Variants in SEH1L observed in about 807,000 individuals in gnomAD.
The protein encoded by SEH1L is nucleoporin SEH1.
Under a neutral mutation model 49.5 loss-of-function variants are expected in SEH1L, and 18 were observed. The observed-to-expected ratio is 0.36, with a 90% CI of 0.25 to 0.54. SEH1L has a LOEUF of 0.54. Among genes scored for constraint, SEH1L ranks in the 20% least tolerant of loss-of-function variants. SEH1L has a pLI of 0.87. For synonymous variants in SEH1L, 169 were observed against 178.1 expected (o/e 0.95, Z 0.41); for missense variants, 404 against 528.8 (o/e 0.76, Z 2.31).
chr18:12,951,634 G>A (rs545282192), intron 1 of SEH1L, among the ~76,000 whole-genome samples: 4 of 152,228 alleles, frequency 2.6e-5, no homozygotes, highest in East Asian at 3.9e-4. Context: ...CAGGTGATCC[G>A]TTTGCCTTGG....
rs1598973660 is a variant in SEH1L, at chr18:12,978,760, C to T, written c.629C>T (p.Ala210Val). Residue 210 changes from alanine to valine, a missense_variant, in exon 6 of 9, where the codon GCA becomes GTA. Physicochemically the swap from Ala to Val is moderately conservative, Grantham distance 64. Coordinates refer to ENST00000399892, the MANE Select transcript of SEH1L (RefSeq NM_001013437.2). Reference sequence around the variant, plus strand: ...AATTGTTTTTCCATTAGGAAATATGCAAAAGCTGAAACTCTTATGACAGTC... The same window carrying T: ...AATTGTTTTTCCATTAGGAAATATGTAAAAGCTGAAACTCTTATGACAGTC... ...FEYNENTRKYAKAETLMTVTD... is the reference protein window; with the variant it reads ...FEYNENTRKYVKAETLMTVTD... 1 of 1,606,160 alleles carries T rather than the reference C, an allele frequency of 6.2e-7. No individual in the cohort carries two copies. Among genetic ancestry groups the T allele is most frequent in the Non-Finnish European group, 8.5e-7 (1 of 1,176,524 alleles).
intron 3 of SEH1L, among the ~76,000 whole-genome samples, chr18:12,959,278 A>G (rs753494958): frequency 4.6e-5 from 7 of 152,172 alleles, no homozygotes; most frequent in Non-Finnish European, 7.3e-5. Flanking sequence ...CTTATCCATA[A>G]TGCTAGGATC....
chr18:12,979,477 C>G (rs1192176732), intron 6 of SEH1L, among the ~76,000 whole-genome samples: 1 of 151,840 alleles, frequency 6.6e-6, no homozygotes, highest in Admixed American at 6.5e-5. Context: ...TCTTTCTACA[C>G]AGACACGGCA....
chr18:12,952,227 ATTTTC>A (rs2030581748), intron 2 of SEH1L, among the ~76,000 whole-genome samples: 2 of 146,942 alleles, frequency 1.4e-5, no homozygotes, highest in Non-Finnish European at 3.0e-5. Context: ...TCAAGTAGAA[ATTTTC>A]TTTTTTTTTT....
chr18:12,967,959 G>A (rs2031527268), intron 4 of SEH1L, among the ~76,000 whole-genome samples: 1 of 151,928 alleles, frequency 6.6e-6, no homozygotes, highest in African/African-American at 2.4e-5. Context: ...GAGAGAATTG[G>A]GTTTTATGGT....
intron 6 of SEH1L, among the ~76,000 whole-genome samples, chr18:12,981,440 G>A (rs1287466347): frequency 1.3e-5 from 2 of 152,208 alleles, no homozygotes; most frequent in Non-Finnish European, 2.9e-5. Flanking sequence ...ATGCAACTCC[G>A]TCTGCCATCC....
intron 7 of SEH1L, 144 bp from the exon 8 acceptor site, chr18:12,983,896 T>C: frequency 2.0e-6 from 1 of 512,408 alleles, no homozygotes; most frequent in Non-Finnish European, 3.3e-6. Flanking sequence ...ATTTAAAAAG[T>C]GTCTTTAATG....
intron 4 of SEH1L, among the ~76,000 whole-genome samples, chr18:12,968,224 CA>C (rs1169041996): frequency 2.6e-5 from 4 of 151,960 alleles, no homozygotes; most frequent in African/African-American, 9.7e-5. Flanking sequence ...CTTACTCTCT[CA>C]ACTAGGGAGG....
intron 4 of SEH1L, among the ~76,000 whole-genome samples, 181 bp downstream of exon 4, chr18:12,963,552 G>A (rs1330515357): frequency 6.6e-6 from 1 of 152,176 alleles, no homozygotes; most frequent in East Asian, 1.9e-4. Flanking sequence ...AGAGGAAGCC[G>A]GCATTGTAAA....
At chr18:12,966,371 C>T (rs1158451569) in intron 4 of SEH1L, among the ~76,000 whole-genome samples, 2 of 151,834 alleles carry the variant, frequency 1.3e-5, no homozygotes, top group Admixed American at 6.6e-5. Flanking sequence ...GGATTACAGG[C>T]GTGAGCCACC....
intron 5 of SEH1L, chr18:12,972,257 T>C (rs2031736264): frequency 6.6e-6 from 1 of 152,190 alleles, no homozygotes; most frequent in Non-Finnish European, 1.5e-5. Context: ...AGAACTGAAC[T>C]GAGGAAGAAG....
At chr18:12,985,365 C>T in intron 8 of SEH1L, 5 of 1,505,168 alleles carry the variant, frequency 3.3e-6, no homozygotes, top group Non-Finnish European at 3.5e-6. Flanking sequence ...TCCCAAGATA[C>T]ACCAGCAGCC....
intron 3 of SEH1L, among the ~76,000 whole-genome samples, chr18:12,958,064 C>CTTTTTT (rs57733399): frequency 3.2e-5 from 2 of 62,036 alleles, no homozygotes; most frequent in Non-Finnish European, 5.6e-5. Context: ...CTCATTTTAA[C>CTTTTTT]TTTTTTTTTT....
At chr18:12,982,201 T>C (rs1049311518) in intron 6 of SEH1L, among the ~76,000 whole-genome samples, 1 of 152,190 alleles carries the variant, frequency 6.6e-6, no homozygotes, top group African/African-American at 2.4e-5. Context: ...TTGTCATCTA[T>C]TTTATTCTTC....
At chr18:12,950,557 C>T (rs1213830566) in intron 1 of SEH1L, among the ~76,000 whole-genome samples, 1 of 152,040 alleles carries the variant, frequency 6.6e-6, no homozygotes, top group Non-Finnish European at 1.5e-5. Context: ...TATGTCTTGT[C>T]AGAAATAGTG....
At chr18:12,981,340 G>C (rs997579077) in intron 6 of SEH1L, among the ~76,000 whole-genome samples, 2 of 152,188 alleles carry the variant, frequency 1.3e-5, no homozygotes, top group African/African-American at 4.8e-5. Flanking sequence ...CACTTTGGGG[G>C]GCCAAGGCAG....
chr18:12,952,219 A>G (rs2030580555), intron 2 of SEH1L, among the ~76,000 whole-genome samples: 1 of 151,106 alleles, frequency 6.6e-6, no homozygotes, highest in East Asian at 1.9e-4. Context: ...ACCTTTACTC[A>G]AGTAGAAATT....
intron 4 of SEH1L, among the ~76,000 whole-genome samples, chr18:12,969,274 A>AT (rs1289788240): frequency 2.5e-4 from 35 of 141,836 alleles, no homozygotes; most frequent in African/African-American, 9.3e-4. Flanking sequence ...AAAATCTCAC[A>AT]TTTTTTTAGC....
At chr18:12,973,025 G>A (rs1439937923) in intron 5 of SEH1L, 1 of 152,128 alleles carries the variant, frequency 6.6e-6, no homozygotes. Flanking sequence ...GGACAACATG[G>A]TGAAACCCTT....
Sources: allele counts gnomAD v4.1 joint callset (sites outside exome capture counted in the v4.1 genomes callset), GRCh38; gene constraint gnomAD v4.1.1; transcripts MANE v1.5; gene names NCBI Gene and HGNC (gene_info 2026-07-23, HGNC 2026-07-21).